NCK1: variants seen among roughly 807,000 people sequenced by gnomAD.
NCK1 encodes the protein NCK adaptor protein 1.
A neutral mutation model predicts 36.6 loss-of-function variants in NCK1; 19 were observed. The observed-to-expected ratio is 0.52, with a 90% CI of 0.36 to 0.76. NCK1 has a LOEUF of 0.76. NCK1 is among the 30% of genes least tolerant of loss of function. The pLI, the probability that NCK1 is intolerant of heterozygous loss-of-function variation, is 0.00. For missense variants in NCK1, 358 were observed against 445.6 expected, an observed-to-expected ratio of 0.80 and a Z score of 1.77; for synonymous variants, 165 against 156.0, an observed-to-expected ratio of 1.06 and a Z score of -0.43.
intron 1 of NCK1, among the ~76,000 whole-genome samples, chr3:136,880,786 T>G (rs958782115): frequency 6.6e-6 from 1 of 152,118 alleles, no homozygotes; most frequent in Admixed American, 6.5e-5. Context: ...TTTTTGACCC[T>G]TTGTGGAGAT....
At chr3:136,935,587 G>A (rs1427273250) in intron 2 of NCK1, among the ~76,000 whole-genome samples, 1 of 152,046 alleles carries the variant, frequency 6.6e-6, no homozygotes, top group Non-Finnish European at 1.5e-5. Flanking sequence ...AGTTTAGTGG[G>A]GTCACGAAAC....
intron 1 of NCK1, among the ~76,000 whole-genome samples, chr3:136,916,047 C>T (rs757593808): frequency 5.9e-5 from 9 of 152,060 alleles, no homozygotes; most frequent in Non-Finnish European, 1.0e-4. Flanking sequence ...TTTTAAACAA[C>T]CAGGTCTCAT....
intron 1 of NCK1, among the ~76,000 whole-genome samples, chr3:136,914,243 T>C (rs778546573): frequency 6.6e-6 from 1 of 152,184 alleles, no homozygotes; most frequent in Non-Finnish European, 1.5e-5. Context: ...ACAGGTCTTA[T>C]TGCCCGAAAG....
intron 2 of NCK1, chr3:136,930,703 A>G (rs1025887065): frequency 1.4e-5 from 13 of 911,426 alleles, no homozygotes; most frequent in African/African-American, 8.5e-5. Flanking sequence ...TATGTAAGCT[A>G]CTACATTATG....
intron 1 of NCK1, among the ~76,000 whole-genome samples, chr3:136,895,743 T>G (rs1939376802): frequency 6.6e-6 from 1 of 152,110 alleles, no homozygotes; most frequent in Non-Finnish European, 1.5e-5. Context: ...TTTTGCATTT[T>G]TAGTAGAGAC....
chr3:136,866,990 G>A (rs1033449029), intron 1 of NCK1, among the ~76,000 whole-genome samples: 24 of 151,728 alleles, frequency 1.6e-4, no homozygotes, highest in African/African-American at 5.8e-4. Context: ...TTGAATTTTC[G>A]CTTTTGGTCC....
intron 1 of NCK1, among the ~76,000 whole-genome samples, chr3:136,885,070 A>AT (rs751024787): frequency 6.6e-6 from 1 of 152,128 alleles, no homozygotes; most frequent in Non-Finnish European, 1.5e-5. Flanking sequence ...GGATGAAAAT[A>AT]TTTTTTCAGG....
At chr3:136,862,910 T>C (rs1045357535) in intron 1 of NCK1, among the ~76,000 whole-genome samples, 3 of 143,280 alleles carry the variant, frequency 2.1e-5, no homozygotes, top group Non-Finnish European at 4.5e-5. Flanking sequence ...ACTTTAATGG[T>C]CTGGACCTGC....
chr3:136,894,325 A>G (rs1039259898), intron 1 of NCK1, among the ~76,000 whole-genome samples: 3 of 151,956 alleles, frequency 2.0e-5, no homozygotes, highest in African/African-American at 7.3e-5. Flanking sequence ...TAACTTCTCT[A>G]CCCCTTGGTT....
At chr3:136,940,324 C>A (rs1940638997) in intron 2 of NCK1, among the ~76,000 whole-genome samples, 1 of 152,148 alleles carries the variant, frequency 6.6e-6, no homozygotes, top group South Asian at 2.1e-4. Flanking sequence ...GCCTCTATTT[C>A]CTTAATGATT....
intron 1 of NCK1, among the ~76,000 whole-genome samples, chr3:136,908,917 G>C (rs963901932): frequency 1.3e-5 from 2 of 152,128 alleles, no homozygotes; most frequent in South Asian, 4.1e-4. Flanking sequence ...GTGTTGGGAG[G>C]TGGGGCATAA....
At chr3:136,930,411 C>T in intron 2 of NCK1, 2 of 1,227,078 alleles carry the variant, frequency 1.6e-6, no homozygotes, top group Non-Finnish European at 2.0e-6. Flanking sequence ...AAAGAGAAGC[C>T]TCAGAAAAAT....
chr3:136,940,834 C>A (rs536464471), intron 2 of NCK1, among the ~76,000 whole-genome samples: 1 of 152,012 alleles, frequency 6.6e-6, no homozygotes, highest in Non-Finnish European at 1.5e-5. Flanking sequence ...CATGAGACAC[C>A]GCGCCGGGCC....
At chr3:136,871,177 C>T (rs1938606194) in intron 1 of NCK1, among the ~76,000 whole-genome samples, 1 of 151,218 alleles carries the variant, frequency 6.6e-6, no homozygotes, top group Non-Finnish European at 1.5e-5. Flanking sequence ...GGGAGGATGC[C>T]TTGAGGGTAG....
In NCK1 at chr3:136,867,088, C is replaced by T. The variant is rs71630060; in HGVS notation, c.-19+4735C>T. Among the ~76,000 whole-genome samples, 48 of 26,740 alleles carry T rather than the reference C, an allele frequency of 1.8e-3. 1 individual carries two copies. Among genetic ancestry groups the T allele is most frequent in the African/African-American group, 4.9e-3 (41 of 8,302 alleles). 17.5% of individuals were successfully genotyped at this position (26,740 alleles called of 152,430 possible). A position where few individuals can be genotyped will look rare whatever the true frequency, so the allele number is the denominator to read the frequency against. ...TCTTTCTTTCTTTCTTTCTTTCTTTCTTTCTTTCTTTCTTTCTTTCTTTCT... is the reference window on the plus strand; with the variant it reads ...TCTTTCTTTCTTTCTTTCTTTCTTTTTTTCTTTCTTTCTTTCTTTCTTTCT... On this transcript the variant is annotated intron_variant, in intron 1 of 3. Transcript: ENST00000481752.
At chr3:136,905,709 C>T (rs1445251433) in intron 1 of NCK1, among the ~76,000 whole-genome samples, 2 of 151,986 alleles carry the variant, frequency 1.3e-5, no homozygotes, top group Non-Finnish European at 2.9e-5. Context: ...AGTGCAGCCT[C>T]GACCTCCCTG....
At chr3:136,886,033 G>A (rs182488011) in intron 1 of NCK1, among the ~76,000 whole-genome samples, 26 of 152,150 alleles carry the variant, frequency 1.7e-4, no homozygotes, top group South Asian at 4.2e-4. Context: ...ATGTTATTCC[G>A]GAAGCATTTA....
In NCK1 at chr3:136,910,692, A is replaced by G. The variant is rs74910449; in HGVS notation, c.-18-17292A>G. ...TAATTTTATACTTTTCTGGGGTACAATGGGATGTTCTGACACATGTATACA... is the reference window on the plus strand; with the variant it reads ...TAATTTTATACTTTTCTGGGGTACAGTGGGATGTTCTGACACATGTATACA... On this transcript the variant is annotated intron_variant, in intron 1 of 3. Coordinates refer to ENST00000481752, the MANE Select transcript of NCK1 (RefSeq NM_001291999.2). Among the ~76,000 whole-genome samples the G allele has an allele frequency of 9.8e-5, 15 of 152,326 alleles. No individual in the cohort carries two copies. The East Asian group carries it at 2.3e-3, about 23-fold the overall frequency.
At chr3:136,862,687 T>C (rs1036181001) in intron 1 of NCK1, among the ~76,000 whole-genome samples, 4 of 152,162 alleles carry the variant, frequency 2.6e-5, no homozygotes, top group Admixed American at 1.3e-4. Context: ...GCGCGCTGGT[T>C]GACTTGTCTG....
Sources: allele counts gnomAD v4.1 joint callset (sites outside exome capture counted in the v4.1 genomes callset), GRCh38; gene constraint gnomAD v4.1.1; transcripts MANE v1.5; gene names NCBI Gene and HGNC (gene_info 2026-07-23, HGNC 2026-07-21).